Variants in KIAA1217 observed in about 807,000 individuals in gnomAD.
KIAA1217 encodes sickle tail protein homolog.
KIAA1217 carries 88 observed loss-of-function variants against 163.9 expected under a neutral mutation model. The observed-to-expected ratio is 0.54, with a 90% CI of 0.45 to 0.64. The LOEUF is 0.64. Ranked by LOEUF, KIAA1217 falls within the 30% of genes least tolerant of loss-of-function variation. The pLI is 0.00. For missense variants in KIAA1217, 2,372 were observed against 2,475.0 expected, an observed-to-expected ratio of 0.96 and a Z score of 0.88; for synonymous variants, 903 against 923.1, an observed-to-expected ratio of 0.98 and a Z score of 0.39.
At chr10:24,373,650 G>A (rs911557389) in intron 2 of KIAA1217, among the ~76,000 whole-genome samples, 1 of 152,180 alleles carries the variant, frequency 6.6e-6, no homozygotes, top group Non-Finnish European at 1.5e-5. Context: ...GAGAGTATTT[G>A]CATAGTGTGG....
chr10:23,723,991 G>T (rs998874929), intron 1 of KIAA1217, among the ~76,000 whole-genome samples: 1 of 152,174 alleles, frequency 6.6e-6, no homozygotes, highest in African/African-American at 2.4e-5. Flanking sequence ...AGGGGAGCAG[G>T]CATCTTACAT....
intron 1 of KIAA1217, among the ~76,000 whole-genome samples, chr10:23,926,144 C>T (rs1843009656): frequency 6.6e-6 from 1 of 152,148 alleles, no homozygotes; most frequent in African/African-American, 2.4e-5. Flanking sequence ...GGGGAATCTA[C>T]ACAGGCTCAG....
intron 1 of KIAA1217, among the ~76,000 whole-genome samples, chr10:23,851,507 C>G (rs10828558): frequency 3.3e-5 from 5 of 152,072 alleles, no homozygotes; most frequent in Admixed American, 2.0e-4. Flanking sequence ...GCATGATTTA[C>G]AGTCCTTTGG....
intron 2 of KIAA1217, among the ~76,000 whole-genome samples, chr10:24,175,861 C>T (rs370772854): frequency 3.3e-5 from 5 of 152,240 alleles, no homozygotes; most frequent in Non-Finnish European, 5.9e-5. Flanking sequence ...TTCATTGTCT[C>T]ACTGGCCTCA....
intron 2 of KIAA1217, among the ~76,000 whole-genome samples, chr10:24,248,333 T>C (rs2074060370): frequency 6.6e-6 from 1 of 152,160 alleles, no homozygotes; most frequent in African/African-American, 2.4e-5. Flanking sequence ...GGTCAGGGCA[T>C]CTTTTGACTC....
intron 2 of KIAA1217, among the ~76,000 whole-genome samples, chr10:24,177,275 A>G (rs1281953130): frequency 7.0e-5 from 7 of 100,112 alleles, no homozygotes; most frequent in South Asian, 3.8e-4. Context: ...ATATATATAT[A>G]TATATATATA....
chr10:23,701,737 T>G (rs1255151431), intron 1 of KIAA1217, among the ~76,000 whole-genome samples: 1 of 152,260 alleles, frequency 6.6e-6, no homozygotes, highest in Non-Finnish European at 1.5e-5. Flanking sequence ...TTAAATGCCC[T>G]GTTGTCTGGG....
At chr10:23,946,158 A>C (rs1253823666) in intron 1 of KIAA1217, among the ~76,000 whole-genome samples, 1 of 151,976 alleles carries the variant, frequency 6.6e-6, no homozygotes, top group African/African-American at 2.4e-5. Flanking sequence ...TACCATATCC[A>C]GTTTATGAAA....
chr10:23,762,588 C>G (rs1179364678), intron 1 of KIAA1217, among the ~76,000 whole-genome samples: 1 of 152,090 alleles, frequency 6.6e-6, no homozygotes, highest in Non-Finnish European at 1.5e-5. Context: ...TAAAAACTCT[C>G]AACAAAATAG....
chr10:24,044,674 G>A (rs1848865292), intron 2 of KIAA1217, among the ~76,000 whole-genome samples: 1 of 151,990 alleles, frequency 6.6e-6, no homozygotes. Context: ...ATCATAATTA[G>A]TTTTCCATCA....
intron 3 of KIAA1217, among the ~76,000 whole-genome samples, chr10:24,409,086 C>T (rs4748945): frequency 0.14 from 20,788 of 152,126 alleles, 1,500 homozygotes; most frequent in East Asian, 0.17. Context: ...CTTTTACATA[C>T]ACAGTCTTAT....
intron 2 of KIAA1217, among the ~76,000 whole-genome samples, chr10:24,026,906 C>G (rs532856624): frequency 6.6e-6 from 1 of 151,766 alleles, no homozygotes; most frequent in East Asian, 1.9e-4. Flanking sequence ...AATGCTATAA[C>G]CTTACCTTTA....
intron 2 of KIAA1217, among the ~76,000 whole-genome samples, chr10:24,224,254 T>C (rs932232966): frequency 5.3e-5 from 8 of 152,236 alleles, no homozygotes; most frequent in Non-Finnish European, 1.2e-4. Flanking sequence ...TTGGTTTGGA[T>C]GCAGGTGGGA....
At chr10:24,503,637 T>C (rs144310026) in intron 9 of KIAA1217, among the ~76,000 whole-genome samples, 1 of 152,222 alleles carries the variant, frequency 6.6e-6, no homozygotes, top group Non-Finnish European at 1.5e-5. Flanking sequence ...CAAGCAAATC[T>C]GGAGACACAG....
intron 5 of KIAA1217, among the ~76,000 whole-genome samples, chr10:24,459,510 G>A (rs1025869953): frequency 4.6e-5 from 7 of 152,124 alleles, no homozygotes; most frequent in African/African-American, 1.4e-4. Flanking sequence ...TCCCTCATCA[G>A]CCTTAACCCT....
chr10:23,769,503 C>A (rs1434857605), intron 1 of KIAA1217, among the ~76,000 whole-genome samples: 1 of 152,124 alleles, frequency 6.6e-6, no homozygotes, highest in African/African-American at 2.4e-5. Context: ...CAGTCTGGAC[C>A]CCAGGCAAGA....
intron 1 of KIAA1217, among the ~76,000 whole-genome samples, chr10:23,701,413 T>A (rs1333340327): frequency 2.0e-5 from 3 of 152,148 alleles, no homozygotes; most frequent in African/African-American, 7.2e-5. Context: ...AGAGCCACAT[T>A]CTCTCATGTC....
chr10:24,388,742 G>A (rs1190617335), intron 3 of KIAA1217, among the ~76,000 whole-genome samples: 9 of 152,042 alleles, frequency 5.9e-5, no homozygotes, highest in African/African-American at 1.2e-4. Context: ...ACAAGCGGGC[G>A]AAGGATATGA....
rs141831080 is a variant in KIAA1217, at chr10:23,934,687, G to A, written c.-320-72538G>A. On this transcript the variant is annotated intron_variant, in intron 1 of 18. Transcript: ENST00000376462. The stretch of plus-strand genomic sequence containing the variant: ...GGCTGGAGTGCAGTGGCACAATTTC[G>A]GCTCACTGCAAGCTCTGTCTCCCGG... 8.9e-3 allele frequency among the ~76,000 whole-genome samples: 1,262 copies of A among 141,564 alleles called. 17 individuals are homozygous for A. Among genetic ancestry groups the A allele is most frequent in the African/African-American group, 0.032 (1,198 of 37,344 alleles). The allele number at this position is 141,564 out of a possible 152,430, so 92.9% of individuals were successfully genotyped here. A position where few individuals can be genotyped will look rare whatever the true frequency, so the allele number is the denominator to read the frequency against.
Sources: gnomAD v4.1 joint callset for allele counts (sites outside exome capture counted in the v4.1 genomes callset) on GRCh38, gnomAD v4.1.1 for gene constraint, MANE v1.5 for transcripts, NCBI Gene and HGNC (gene_info 2026-07-23, HGNC 2026-07-21) for gene names.